Variants in KCTD8 observed in about 807,000 individuals in gnomAD.
The protein encoded by KCTD8 is potassium channel tetramerization domain containing 8.
In KCTD8, 27 loss-of-function variants were observed where a neutral mutation model predicts 31.5. The ratio of observed to expected loss-of-function variants is 0.86; its 90% CI spans 0.63 to 1.18. The LOEUF is 1.18. Ranked by LOEUF, KCTD8 falls within the 50% of genes most tolerant of loss-of-function variation. The pLI, the probability that KCTD8 is intolerant of heterozygous loss-of-function variation, is 0.00. For missense variants in KCTD8, 658 were observed against 647.7 expected (o/e 1.02, Z -0.17); for synonymous variants, 290 against 280.0 (o/e 1.04, Z -0.36).
chr4:44,283,383 G>C (rs1345360511), intron 1 of KCTD8, among the ~76,000 whole-genome samples: 1 of 152,006 alleles, frequency 6.6e-6, no homozygotes, highest in African/African-American at 2.4e-5. Context: ...GGTGGAAGAA[G>C]ATGTCATCTG....
chr4:44,255,015 T>G, intron 1 of KCTD8, among the ~76,000 whole-genome samples: 1 of 151,938 alleles, frequency 6.6e-6, no homozygotes, highest in East Asian at 1.9e-4. Flanking sequence ...AATAATTTTC[T>G]TATTGAGGAT....
intron 1 of KCTD8, among the ~76,000 whole-genome samples, chr4:44,305,753 A>G (rs1418423859): frequency 6.6e-6 from 1 of 151,822 alleles, no homozygotes; most frequent in African/African-American, 2.4e-5. Flanking sequence ...TTACCCCAAA[A>G]TGAAAAATAT....
intron 1 of KCTD8, among the ~76,000 whole-genome samples, chr4:44,271,826 A>G (rs1369340541): frequency 1.3e-5 from 2 of 152,070 alleles, no homozygotes; most frequent in South Asian, 2.1e-4. Flanking sequence ...CTTGCTGTCA[A>G]TAAGTATGTG....
At chr4:44,284,844 T>G (rs1717008106) in intron 1 of KCTD8, among the ~76,000 whole-genome samples, 1 of 152,130 alleles carries the variant, frequency 6.6e-6, no homozygotes, top group African/African-American at 2.4e-5. Flanking sequence ...AAGAAGACAT[T>G]TATGCAGCCA....
At chr4:44,209,957 A>C (rs1714433965) in intron 1 of KCTD8, among the ~76,000 whole-genome samples, 1 of 152,190 alleles carries the variant, frequency 6.6e-6, no homozygotes, top group Non-Finnish European at 1.5e-5. Context: ...TAGAATTCTG[A>C]CTAAATAACT....
chr4:44,413,849 T>C (rs1721013234), intron 1 of KCTD8, among the ~76,000 whole-genome samples: 1 of 152,028 alleles, frequency 6.6e-6, no homozygotes, highest in Non-Finnish European at 1.5e-5. Flanking sequence ...AATGCCATCA[T>C]GAAAGTCTTT....
intron 1 of KCTD8, among the ~76,000 whole-genome samples, chr4:44,437,129 G>T (rs1721671312): frequency 6.6e-6 from 1 of 150,596 alleles, no homozygotes; most frequent in African/African-American, 2.4e-5. Context: ...AACCCTTAAA[G>T]CAACTCACAA....
In KCTD8 at chr4:44,253,277, G is replaced by GT. The variant is rs961767390; in HGVS notation, c.962-78028dup. The stretch of plus-strand genomic sequence containing the variant: ...GGCCTGGGGCCATGTTCATGAGACA[G>GT]TTTTTTTTTCTTTTTAATCACAAAT... On this transcript the variant is annotated intron_variant, in intron 1 of 1. Coordinates refer to ENST00000360029, the MANE Select transcript of KCTD8 (RefSeq NM_198353.3). Among the ~76,000 whole-genome samples the GT allele has an allele frequency of 3.2e-4, 49 of 151,004 alleles. 1 individual carries two copies. The highest frequency in any genetic ancestry group is 1.2e-3 in the East Asian group (6 of 5,128).
At chr4:44,288,750 G>T (rs1400199118) in intron 1 of KCTD8, among the ~76,000 whole-genome samples, 1 of 151,836 alleles carries the variant, frequency 6.6e-6, no homozygotes, top group Non-Finnish European at 1.5e-5. Flanking sequence ...GTTTTTATAT[G>T]AAAAAGTATC....
chr4:44,430,690 A>C (rs1721481734), intron 1 of KCTD8, among the ~76,000 whole-genome samples: 1 of 151,608 alleles, frequency 6.6e-6, no homozygotes, highest in African/African-American at 2.4e-5. Context: ...AGTTGTAAAA[A>C]TTCTCATGGA....
intron 1 of KCTD8, among the ~76,000 whole-genome samples, chr4:44,335,396 A>C (rs1718712561): frequency 6.6e-6 from 1 of 151,968 alleles, no homozygotes; most frequent in Admixed American, 6.6e-5. Flanking sequence ...TGAACACCAA[A>C]CCCCGAGACA....
At chr4:44,373,485 C>T (rs1167036995) in intron 1 of KCTD8, among the ~76,000 whole-genome samples, 1 of 152,266 alleles carries the variant, frequency 6.6e-6, no homozygotes, top group Non-Finnish European at 1.5e-5. Context: ...GTTTATCCCA[C>T]ATTTCCTCTT....
chr4:44,343,823 A>C (rs1336823662), intron 1 of KCTD8, among the ~76,000 whole-genome samples: 2 of 152,130 alleles, frequency 1.3e-5, no homozygotes, highest in Non-Finnish European at 2.9e-5. Context: ...AAATTAACTG[A>C]TCACATTACA....
At position 44,385,361 on chromosome 4, in the gene KCTD8, C is replaced by T. The variant is rs142518162; in HGVS notation, c.961+62202G>A. Among the ~76,000 whole-genome samples the T allele has an allele frequency of 6.6e-5, 10 of 151,480 alleles. No individual in the cohort carries two copies. In the East Asian group the frequency reaches 1.4e-3, roughly 21 times the overall value. ...ACTGGCATAAAGATAGACATATAGACGAAGGAAATAGAATAGAAAGCCTAG... is the reference window on the plus strand; with the variant it reads ...ACTGGCATAAAGATAGACATATAGATGAAGGAAATAGAATAGAAAGCCTAG... On this transcript the variant is annotated intron_variant, in intron 1 of 1. Coordinates refer to ENST00000360029, the MANE Select transcript of KCTD8 (RefSeq NM_198353.3).
intron 1 of KCTD8, among the ~76,000 whole-genome samples, chr4:44,406,249 A>T (rs1025098398): frequency 2.0e-5 from 3 of 152,128 alleles, no homozygotes; most frequent in Non-Finnish European, 4.4e-5. Flanking sequence ...GGTTAAATAC[A>T]ACTCAGACCA....
chr4:44,269,229 A>T (rs1716495541), intron 1 of KCTD8, among the ~76,000 whole-genome samples: 1 of 152,200 alleles, frequency 6.6e-6, no homozygotes, highest in Non-Finnish European at 1.5e-5. Flanking sequence ...CCTCAGAAAT[A>T]ATGCCACATA....
chr4:44,248,001 G>T (rs943736399), intron 1 of KCTD8, among the ~76,000 whole-genome samples: 13 of 151,956 alleles, frequency 8.6e-5, no homozygotes, highest in Non-Finnish European at 1.8e-4. Context: ...ATTGAAATTA[G>T]AATCTTGCAG....
chr4:44,183,204 CT>C (rs1455496533), intron 1 of KCTD8, among the ~76,000 whole-genome samples: 1 of 152,040 alleles, frequency 6.6e-6, no homozygotes, highest in African/African-American at 2.4e-5. Flanking sequence ...AGTCGCATGG[CT>C]ATGGTAAGAA....
chr4:44,191,126 TC>T (rs1200511041), intron 1 of KCTD8, among the ~76,000 whole-genome samples: 7 of 152,222 alleles, frequency 4.6e-5, no homozygotes, highest in Admixed American at 3.9e-4. Context: ...TTTTGTAATT[TC>T]TTATGCCTGT....
Sources: gnomAD v4.1 joint callset for allele counts (sites outside exome capture counted in the v4.1 genomes callset) on GRCh38, gnomAD v4.1.1 for gene constraint, MANE v1.5 for transcripts, NCBI Gene and HGNC (gene_info 2026-07-23, HGNC 2026-07-21) for gene names.